The following CACNA2D3 variants were observed in gnomAD, a reference collection of about 807,000 sequenced individuals.
CACNA2D3 encodes calcium voltage-gated channel auxiliary subunit alpha2delta 3.
In CACNA2D3, 60 loss-of-function variants were observed where a neutral mutation model predicts 160.6. The observed-to-expected ratio is 0.37, with a 90% CI of 0.30 to 0.46. The LOEUF is 0.46. Ranked by LOEUF, CACNA2D3 falls within the 20% of genes least tolerant of loss-of-function variation. The pLI is 1.00. For synonymous variants in CACNA2D3, 558 were observed against 492.9 expected, an observed-to-expected ratio of 1.13 and a Z score of -1.75; for missense variants, 1,205 against 1,365.0, an observed-to-expected ratio of 0.88 and a Z score of 1.85.
At chr3:54,605,095 G>A (rs1194103423) in intron 9 of CACNA2D3, among the ~76,000 whole-genome samples, 1 of 152,102 alleles carries the variant, frequency 6.6e-6, no homozygotes, top group Non-Finnish European at 1.5e-5. Flanking sequence ...GCTTGCAGAT[G>A]TATAATTCCT....
At chr3:54,728,770 T>C (rs911460580) in intron 11 of CACNA2D3, among the ~76,000 whole-genome samples, 9 of 152,242 alleles carry the variant, frequency 5.9e-5, no homozygotes, top group Non-Finnish European at 7.3e-5. Flanking sequence ...GCTTAGCCAT[T>C]TCAGAGGTTT....
chr3:54,353,907 C>T (rs370093213), intron 3 of CACNA2D3, among the ~76,000 whole-genome samples: 4 of 152,158 alleles, frequency 2.6e-5, no homozygotes, highest in African/African-American at 4.8e-5. Context: ...ACTATTCTTC[C>T]GTTTAGAAGT....
At chr3:54,256,635 A>G (rs911093196) in intron 2 of CACNA2D3, among the ~76,000 whole-genome samples, 3 of 152,128 alleles carry the variant, frequency 2.0e-5, no homozygotes, top group African/African-American at 7.2e-5. Context: ...AATATGATGA[A>G]TGACACACAC....
chr3:54,764,081 A>G, intron 12 of CACNA2D3, 137 bp from the exon 13 acceptor site: 1 of 876,952 alleles, frequency 1.1e-6, no homozygotes, highest in Non-Finnish European at 1.8e-6. Context: ...GAAAAGAAAA[A>G]TGGGGGAGAG....
chr3:54,455,008 A>T (rs1015766686), intron 4 of CACNA2D3, among the ~76,000 whole-genome samples: 1 of 152,158 alleles, frequency 6.6e-6, no homozygotes, highest in African/African-American at 2.4e-5. Context: ...GATGAACATG[A>T]GTTGCTTCCC....
chr3:55,040,348 C>CTAA (rs1315683397), intron 35 of CACNA2D3, among the ~76,000 whole-genome samples: 8 of 152,156 alleles, frequency 5.3e-5, no homozygotes, highest in African/African-American at 1.9e-4. Flanking sequence ...ATCTCACTTC[C>CTAA]TAACCATATC....
At chr3:54,745,417 G>A (rs1343855189) in intron 11 of CACNA2D3, among the ~76,000 whole-genome samples, 1 of 152,178 alleles carries the variant, frequency 6.6e-6, no homozygotes, top group Non-Finnish European at 1.5e-5. Context: ...TATCAGAAAT[G>A]CACTTGCAGG....
intron 4 of CACNA2D3, among the ~76,000 whole-genome samples, chr3:54,418,125 G>T (rs572590505): frequency 6.6e-6 from 1 of 152,096 alleles, no homozygotes; most frequent in Non-Finnish European, 1.5e-5. Context: ...ACTTTTTTTG[G>T]GTAATTTTAA....
At chr3:54,376,926 T>A (rs1315508706) in intron 3 of CACNA2D3, among the ~76,000 whole-genome samples, 3 of 152,170 alleles carry the variant, frequency 2.0e-5, no homozygotes, top group Admixed American at 2.0e-4. Context: ...TGGAACAGAT[T>A]TTTCTCTGCA....
At chr3:54,550,859 C>G (rs1702144746) in intron 5 of CACNA2D3, among the ~76,000 whole-genome samples, 1 of 152,152 alleles carries the variant, frequency 6.6e-6, no homozygotes, top group Non-Finnish European at 1.5e-5. Context: ...GCCTTCAGTG[C>G]AAAACCTCGA....
chr3:54,673,168 C>G (rs1300626782), intron 11 of CACNA2D3, among the ~76,000 whole-genome samples: 2 of 152,192 alleles, frequency 1.3e-5, no homozygotes, highest in African/African-American at 2.4e-5. Context: ...GGGGTAAATT[C>G]ACCTCTCTTA....
chr3:55,055,158 C>G (rs1400561878), intron 35 of CACNA2D3, among the ~76,000 whole-genome samples: 3 of 151,878 alleles, frequency 2.0e-5, no homozygotes, highest in African/African-American at 7.3e-5. Flanking sequence ...TAATTTTTCC[C>G]CTGTGTTTTC....
intron 13 of CACNA2D3, among the ~76,000 whole-genome samples, chr3:54,775,595 A>T (rs1702411297): frequency 6.6e-6 from 1 of 152,170 alleles, no homozygotes; most frequent in Admixed American, 6.5e-5. Flanking sequence ...TTTACAACAG[A>T]GTGCTGGGTT....
intron 11 of CACNA2D3, among the ~76,000 whole-genome samples, chr3:54,741,370 A>G (rs979726632): frequency 6.6e-6 from 1 of 152,192 alleles, no homozygotes; most frequent in Non-Finnish European, 1.5e-5. Flanking sequence ...TCAAGTCCCA[A>G]ACATTTTACT....
intron 30 of CACNA2D3, among the ~76,000 whole-genome samples, chr3:54,987,375 A>C (rs1000494510): frequency 6.6e-6 from 1 of 152,126 alleles, no homozygotes; most frequent in Admixed American, 6.6e-5. Flanking sequence ...GCATATTACT[A>C]CCTACTCCAT....
At chr3:54,273,332 T>A (rs1466576318) in intron 2 of CACNA2D3, among the ~76,000 whole-genome samples, 2 of 152,104 alleles carry the variant, frequency 1.3e-5, no homozygotes, top group African/African-American at 2.4e-5. Context: ...AAATATATAT[T>A]TTTTTCTCCC....
chr3:54,581,658 A>T (rs1289405391), intron 8 of CACNA2D3, 145 bp from the exon 9 acceptor site: 4 of 674,598 alleles, frequency 5.9e-6, no homozygotes, highest in African/African-American at 1.8e-5. Context: ...CTAGAGGGAC[A>T]CCCATGAGAG....
chr3:54,660,195 C>G (rs112550775), intron 11 of CACNA2D3, among the ~76,000 whole-genome samples: 25,329 of 147,464 alleles, frequency 0.17, 2,443 homozygotes, highest in Non-Finnish European at 0.21. Context: ...GAGTCTTGCT[C>G]TGTCGCCCAG....
intron 11 of CACNA2D3, among the ~76,000 whole-genome samples, chr3:54,692,873 C>T (rs924097571): frequency 2.6e-5 from 4 of 152,222 alleles, no homozygotes; most frequent in Non-Finnish European, 5.9e-5. Flanking sequence ...CTATCATCCT[C>T]TGCTGAGAAT....
Sources: allele counts gnomAD v4.1 joint callset (sites outside exome capture counted in the v4.1 genomes callset), GRCh38; gene constraint gnomAD v4.1.1; transcripts MANE v1.5; gene names NCBI Gene and HGNC (gene_info 2026-07-23, HGNC 2026-07-21).